ADAMTS17: variants seen among roughly 807,000 people sequenced by gnomAD.
The protein encoded by ADAMTS17 is ADAM metallopeptidase with thrombospondin type 1 motif 17.
In ADAMTS17, 113 loss-of-function variants were observed where a neutral mutation model predicts 141.5. That is an observed-to-expected ratio of 0.80 (90% CI 0.69 to 0.93). The LOEUF (loss-of-function observed/expected upper bound fraction) is 0.93. Ranked by LOEUF, ADAMTS17 falls within the 40% of genes least tolerant of loss-of-function variation. The pLI is 0.00. For synonymous variants in ADAMTS17, 768 were observed against 630.6 expected, an observed-to-expected ratio of 1.22 and a Z score of -3.27; for missense variants, 1,659 against 1,517.9, an observed-to-expected ratio of 1.09 and a Z score of -1.54.
intron 7 of ADAMTS17, among the ~76,000 whole-genome samples, chr15:100,234,287 G>A (rs770326207): frequency 1.3e-5 from 2 of 152,322 alleles, no homozygotes; most frequent in East Asian, 1.9e-4. Flanking sequence ...CGCAGCCACC[G>A]TTTTCCACGA....
chr15:100,304,453 C>A (rs1431826634), intron 3 of ADAMTS17, among the ~76,000 whole-genome samples: 1 of 152,130 alleles, frequency 6.6e-6, no homozygotes, highest in Non-Finnish European at 1.5e-5. Flanking sequence ...ACACAGTAAG[C>A]CTTTTATCCT....
intron 18 of ADAMTS17, among the ~76,000 whole-genome samples, chr15:100,027,008 T>C (rs1266122324): frequency 1.3e-5 from 2 of 152,244 alleles, no homozygotes; most frequent in African/African-American, 4.8e-5. Context: ...GTGTCAGTGG[T>C]ATCACATTGT....
At chr15:100,127,118 C>T (rs1014761349) in intron 12 of ADAMTS17, among the ~76,000 whole-genome samples, 13 of 152,112 alleles carry the variant, frequency 8.5e-5, no homozygotes, top group Non-Finnish European at 1.3e-4. Flanking sequence ...GCCGAGAGCA[C>T]AAAGGAGGCT....
chr15:100,205,380 G>A (rs764251863), intron 7 of ADAMTS17, among the ~76,000 whole-genome samples: 1 of 152,086 alleles, frequency 6.6e-6, no homozygotes, highest in Non-Finnish European at 1.5e-5. Context: ...CCGGGAGAGG[G>A]GAAGGAAAGA....
intron 7 of ADAMTS17, among the ~76,000 whole-genome samples, chr15:100,216,264 C>T (rs2041965754): frequency 6.6e-6 from 1 of 152,176 alleles, no homozygotes; most frequent in Non-Finnish European, 1.5e-5. Context: ...TTAGTTTGAC[C>T]AAGTCCAAAT....
intron 3 of ADAMTS17, among the ~76,000 whole-genome samples, chr15:100,322,221 G>C (rs2045753618): frequency 6.6e-6 from 1 of 152,190 alleles, no homozygotes; most frequent in African/African-American, 2.4e-5. Context: ...TGCAGCCCCT[G>C]TGATCTGAAG....
chr15:100,155,670 A>G (rs1217686043), intron 8 of ADAMTS17, among the ~76,000 whole-genome samples: 5 of 152,350 alleles, frequency 3.3e-5, no homozygotes, highest in East Asian at 3.9e-4. Context: ...AAATATTCCA[A>G]TGTTCATGGT....
chr15:100,166,543 G>C (rs2039959560), intron 8 of ADAMTS17, among the ~76,000 whole-genome samples: 1 of 152,160 alleles, frequency 6.6e-6, no homozygotes, highest in African/African-American at 2.4e-5. Context: ...ACCCTGATGA[G>C]GTTAAGGAAG....
intron 7 of ADAMTS17, among the ~76,000 whole-genome samples, chr15:100,252,522 A>C (rs966789604): frequency 2.0e-5 from 3 of 152,174 alleles, no homozygotes; most frequent in East Asian, 1.9e-4. Context: ...GGCGCCCCGG[A>C]CATGGGTACT....
intron 3 of ADAMTS17, among the ~76,000 whole-genome samples, chr15:100,309,279 C>T (rs2045327542): frequency 6.6e-6 from 1 of 152,202 alleles, no homozygotes; most frequent in Admixed American, 6.5e-5. Flanking sequence ...GGGAGGATCG[C>T]TCGAGGAAGG....
At chr15:100,201,364 G>A (rs959225487) in intron 7 of ADAMTS17, among the ~76,000 whole-genome samples, 5 of 152,190 alleles carry the variant, frequency 3.3e-5, no homozygotes, top group African/African-American at 4.8e-5. Flanking sequence ...CTGTGAAGAA[G>A]GTGTCTGCTT....
Position 100,202,884 on chromosome 15 carries a change from C to A in ADAMTS17, c.1076-3461G>T, listed in dbSNP as rs112430971. 1.8e-3 allele frequency among the ~76,000 whole-genome samples: 277 copies of A among 152,316 alleles called. 1 individual carries two copies. The highest frequency in any genetic ancestry group is 6.5e-3 in the African/African-American group (269 of 41,566). On this transcript the variant is annotated intron_variant, in intron 7 of 21. Coordinates refer to ENST00000268070, the MANE Select transcript of ADAMTS17 (RefSeq NM_139057.4). ...GAACCTTCTGAGTTAACTGGAATTG[C>A]CTTATGCTGGGGAGAGGCTTTTAGA...
chr15:100,190,426 A>G (rs1174800359), intron 8 of ADAMTS17, among the ~76,000 whole-genome samples: 3 of 152,194 alleles, frequency 2.0e-5, no homozygotes, highest in Admixed American at 6.5e-5. Flanking sequence ...CCTTTCCCAG[A>G]ACGTGCCATT....
chr15:100,084,843 A>T (rs1290560657), intron 15 of ADAMTS17, among the ~76,000 whole-genome samples: 1 of 152,228 alleles, frequency 6.6e-6, no homozygotes, highest in African/African-American at 2.4e-5. Context: ...ACCCATCTGT[A>T]CATCACCATC....
At chr15:100,023,082 G>A (rs2061434212) in intron 18 of ADAMTS17, among the ~76,000 whole-genome samples, 1 of 152,164 alleles carries the variant, frequency 6.6e-6, no homozygotes, top group Non-Finnish European at 1.5e-5. Flanking sequence ...CAGGAGACTG[G>A]CTGGCTGCCA....
At chr15:100,014,020 T>G (rs1037311176) in intron 18 of ADAMTS17, among the ~76,000 whole-genome samples, 151 of 152,182 alleles carry the variant, frequency 9.9e-4, no homozygotes, top group African/African-American at 3.5e-3. Flanking sequence ...GTCCTGGATT[T>G]TTTTTTGTTG....
At chr15:100,055,939 C>G (rs144996174) in intron 15 of ADAMTS17, among the ~76,000 whole-genome samples, 1 of 152,198 alleles carries the variant, frequency 6.6e-6, no homozygotes, top group Admixed American at 6.5e-5. Flanking sequence ...GAGTGGAGAC[C>G]TGAATCCAAC....
intron 20 of ADAMTS17, among the ~76,000 whole-genome samples, chr15:99,990,663 T>G (rs2060672587): frequency 6.6e-6 from 1 of 151,904 alleles, no homozygotes; most frequent in Non-Finnish European, 1.5e-5. Context: ...TTGGGGAACT[T>G]TGTGTTCTGA....
chr15:100,130,720 G>A (rs974783076), intron 12 of ADAMTS17, among the ~76,000 whole-genome samples: 2 of 152,164 alleles, frequency 1.3e-5, no homozygotes, highest in South Asian at 4.1e-4. Flanking sequence ...ACTTAATTGT[G>A]GAGATTTCTT....
Sources: gnomAD v4.1 joint callset for allele counts (sites outside exome capture counted in the v4.1 genomes callset) on GRCh38, gnomAD v4.1.1 for gene constraint, MANE v1.5 for transcripts, NCBI Gene and HGNC (gene_info 2026-07-23, HGNC 2026-07-21) for gene names.